Variants in PDE11A observed in about 807,000 individuals in gnomAD.
PDE11A encodes the protein dual 3',5'-cyclic-AMP and -GMP phosphodiesterase 11A.
A neutral mutation model predicts 100.5 loss-of-function variants in PDE11A; 100 were observed. The ratio of observed to expected loss-of-function variants is 1.00; its 90% CI spans 0.85 to 1.18. The LOEUF is 1.18. Among genes scored for constraint, PDE11A ranks in the 50% most tolerant of loss-of-function variants. The pLI is 0.00. For missense variants in PDE11A, 1,141 were observed against 1,152.6 expected (o/e 0.99, Z 0.15); for synonymous variants, 381 against 420.8 (o/e 0.91, Z 1.16).
chr2:177,681,559 G>A (rs1422095686), intron 15 of PDE11A, among the ~76,000 whole-genome samples: 1 of 152,158 alleles, frequency 6.6e-6, no homozygotes. Context: ...TTAAATGAAT[G>A]ACATGTGGAA....
intron 15 of PDE11A, among the ~76,000 whole-genome samples, chr2:177,685,128 C>T (rs1397392763): frequency 3.3e-5 from 5 of 152,174 alleles, no homozygotes; most frequent in South Asian, 2.1e-4. Flanking sequence ...CAATGCCTGA[C>T]ATGTAGTAGA....
chr2:178,098,051 G>A (rs2087517200), intron 2 of PDE11A, among the ~76,000 whole-genome samples: 2 of 152,042 alleles, frequency 1.3e-5, no homozygotes, highest in African/African-American at 4.8e-5. Context: ...GAAACATAGG[G>A]GGAAAAAATA....
intron 10 of PDE11A, among the ~76,000 whole-genome samples, chr2:177,768,589 T>C (rs558276431): frequency 4.8e-4 from 73 of 152,178 alleles, no homozygotes; most frequent in Non-Finnish European, 9.0e-4. Context: ...TAAAACTGCC[T>C]GGTAGGAGTG....
In PDE11A at chr2:177,851,814, T is replaced by C. The variant is rs746645800; in HGVS notation, c.1368-11431A>G. On this transcript the variant is annotated intron_variant, in intron 5 of 19. Coordinates refer to ENST00000286063, the MANE Select transcript of PDE11A (RefSeq NM_016953.4). ...TTGTTACATAGGTAAACATGCGTCATGGGGGTTTGTTGTATGGATTATTTC... is the reference window on the plus strand; with the variant it reads ...TTGTTACATAGGTAAACATGCGTCACGGGGGTTTGTTGTATGGATTATTTC... Among the ~76,000 whole-genome samples the C allele has an allele frequency of 2.0e-5, 3 of 152,222 alleles. No individual in the cohort carries two copies. The South Asian group carries it at 6.2e-4, about 32-fold the overall frequency.
At chr2:177,713,075 C>T (rs2081379695) in intron 12 of PDE11A, among the ~76,000 whole-genome samples, 1 of 152,132 alleles carries the variant, frequency 6.6e-6, no homozygotes, top group Non-Finnish European at 1.5e-5. Flanking sequence ...ATGGCACCAT[C>T]TCGGCTTACT....
intron 9 of PDE11A, among the ~76,000 whole-genome samples, chr2:177,795,722 C>T (rs1898585): frequency 0.25 from 37,904 of 150,932 alleles, 6,331 homozygotes; most frequent in African/African-American, 0.47. Context: ...GTTTGTTACA[C>T]GCAAAGAATG....
chr2:178,062,951 T>C (rs972697727), intron 1 of PDE11A, among the ~76,000 whole-genome samples: 3 of 152,232 alleles, frequency 2.0e-5, no homozygotes, highest in Admixed American at 6.5e-5. Flanking sequence ...ATCTTGATTA[T>C]AGGCATGAGA....
At chr2:178,036,235 T>C (rs914223054) in intron 1 of PDE11A, among the ~76,000 whole-genome samples, 2 of 151,960 alleles carry the variant, frequency 1.3e-5, no homozygotes, top group African/African-American at 4.8e-5. Flanking sequence ...CAACAATAGA[T>C]GAGCAGAGAG....
chr2:177,674,892 G>C (rs3770013), intron 17 of PDE11A, among the ~76,000 whole-genome samples: 2 of 151,796 alleles, frequency 1.3e-5, no homozygotes, highest in Non-Finnish European at 2.9e-5. Flanking sequence ...GTAATCCCTG[G>C]TCTTCAGTTG....
chr2:177,711,409 C>T (rs1216373013), intron 13 of PDE11A, among the ~76,000 whole-genome samples: 2 of 152,202 alleles, frequency 1.3e-5, no homozygotes, highest in East Asian at 1.9e-4. Context: ...CCTAAGACTG[C>T]TTTTATTTTA....
rs373805367 is a variant in PDE11A, at chr2:177,911,609, C to T, written c.1072-6422G>A. On this transcript the variant is annotated intron_variant, in intron 2 of 19. Coordinates refer to ENST00000286063, the MANE Select transcript of PDE11A (RefSeq NM_016953.4). ...TTTTAAAAATTGTAATGGGGCCAGG[C>T]GCGGTGGCTTATGCCTGTAATCCTA... 5.3e-5 allele frequency among the ~76,000 whole-genome samples: 8 copies of T among 152,128 alleles called. No homozygotes were observed. The East Asian group carries it at 5.8e-4, about 11-fold the overall frequency.
At chr2:178,032,764 A>G (rs2105842254) in intron 1 of PDE11A, among the ~76,000 whole-genome samples, 1 of 152,336 alleles carries the variant, frequency 6.6e-6, no homozygotes, top group Admixed American at 6.5e-5. Context: ...AACAGGGTCT[A>G]GAGTGGACCT....
upstream of PDE11A, among the ~76,000 whole-genome samples, chr2:178,073,999 A>G (rs2087171777): frequency 1.3e-5 from 2 of 152,314 alleles, no homozygotes; most frequent in Admixed American, 1.3e-4. Flanking sequence ...AGGAACAGAC[A>G]AATAAAATGT....
intron 2 of PDE11A, among the ~76,000 whole-genome samples, chr2:177,986,977 A>G (rs1007100374): frequency 6.6e-6 from 1 of 152,234 alleles, no homozygotes; most frequent in Non-Finnish European, 1.5e-5. Context: ...AAGACTAAAT[A>G]TAATACTTAG....
chr2:177,826,438 G>T (rs934804), intron 6 of PDE11A, among the ~76,000 whole-genome samples: 124,612 of 152,226 alleles, frequency 0.82, 51,275 homozygotes, highest in East Asian at 0.98. Flanking sequence ...AGATAATCTA[G>T]TGGTGAGAAA....
chr2:177,919,615 T>A (rs1384416347), intron 2 of PDE11A, among the ~76,000 whole-genome samples: 1 of 152,166 alleles, frequency 6.6e-6, no homozygotes, highest in Admixed American at 6.5e-5. Flanking sequence ...CCAATGGCTA[T>A]AAAATTTTTA....
intron 4 of PDE11A, among the ~76,000 whole-genome samples, chr2:177,880,500 T>C (rs964844685): frequency 6.6e-6 from 1 of 152,200 alleles, no homozygotes; most frequent in Non-Finnish European, 1.5e-5. Context: ...ATGTGGAATT[T>C]TCCTAGACTC....
intron 2 of PDE11A, among the ~76,000 whole-genome samples, chr2:177,992,853 T>C (rs1217253699): frequency 6.6e-6 from 1 of 152,184 alleles, no homozygotes; most frequent in Non-Finnish European, 1.5e-5. Flanking sequence ...ATTGAGATTG[T>C]CAAAGAACAT....
At chr2:177,757,518 A>T (rs1558923294) in intron 10 of PDE11A, among the ~76,000 whole-genome samples, 1 of 152,224 alleles carries the variant, frequency 6.6e-6, no homozygotes, top group Non-Finnish European at 1.5e-5. Flanking sequence ...GATTGGTATC[A>T]TGTTATCCTA....
Sources: gnomAD v4.1 joint callset for allele counts (sites outside exome capture counted in the v4.1 genomes callset) on GRCh38, gnomAD v4.1.1 for gene constraint, MANE v1.5 for transcripts, NCBI Gene and HGNC (gene_info 2026-07-23, HGNC 2026-07-21) for gene names.